The following PCDHGB7 variants were observed in gnomAD, a reference collection of about 807,000 sequenced individuals.
The protein encoded by PCDHGB7 is protocadherin gamma-B7.
A neutral mutation model predicts 61.4 loss-of-function variants in PCDHGB7; 37 were observed. That is an observed-to-expected ratio of 0.60 (90% CI 0.46 to 0.79). The LOEUF (loss-of-function observed/expected upper bound fraction) is 0.79, where lower values mean the gene tolerates loss of function less well. Ranked by LOEUF, PCDHGB7 falls within the 30% of genes least tolerant of loss-of-function variation. The pLI, the probability that PCDHGB7 is intolerant of heterozygous loss-of-function variation, is 0.00. For missense variants in PCDHGB7, 1,166 were observed against 1,202.5 expected, an observed-to-expected ratio of 0.97 and a Z score of 0.45; for synonymous variants, 464 against 503.5, an observed-to-expected ratio of 0.92 and a Z score of 1.05.
intron 1 of PCDHGB7, chr5:141,423,601 C>A (rs372165060): frequency 1.9e-6 from 3 of 1,612,704 alleles, no homozygotes; most frequent in Non-Finnish European, 2.5e-6. Flanking sequence ...AAGCGAGCCA[C>A]TCTTGATAGC....
chr5:141,478,851 C>T, intron 1 of PCDHGB7: 1 of 1,374,810 alleles, frequency 7.3e-7, no homozygotes, highest in Non-Finnish European at 9.6e-7. Context: ...AGCTAAAACA[C>T]AAGATCTCAG....
intron 1 of PCDHGB7, among the ~76,000 whole-genome samples, chr5:141,455,549 C>G (rs911113181): frequency 1.3e-5 from 2 of 152,042 alleles, no homozygotes; most frequent in Non-Finnish European, 2.9e-5. Flanking sequence ...TCACGTAGCC[C>G]GAGAAAAAGC....
At position 141,503,509 on chromosome 5, in the gene PCDHGB7, G is replaced by A. The variant is rs373282648; in HGVS notation, c.2475-1884G>A. ...AGCTGCTCAAGAGGCTGAGGCAGGA[G>A]AATCACTTGAACCTGGGAGGCAGAG... On this transcript the variant is annotated intron_variant, in intron 2 of 3. Transcript: ENST00000398594. Among the ~76,000 whole-genome samples the A allele has an allele frequency of 9.4e-5, 14 of 149,410 alleles. No individual in the cohort carries two copies. The South Asian group carries it at 1.5e-3, about 16-fold the overall frequency.
chr5:141,423,929 G>C, intron 1 of PCDHGB7: 1 of 1,236,074 alleles, frequency 8.1e-7, no homozygotes, highest in East Asian at 3.5e-5. Flanking sequence ...TGCTGGTTTG[G>C]TTTGAAGTAA....
rs143362044 is a variant in PCDHGB7, at chr5:141,511,092, C to T, written c.2709C>T (p.Asn903=). The T allele has an allele frequency of 4.5e-5, 73 of 1,614,088 alleles. No homozygotes were observed. Among genetic ancestry groups the T allele is most frequent in the Admixed American group, 1.5e-4 (9 of 60,012 alleles). ...YIPGSNATLT[N]AAGKRDGKAP... is the part of the protein sequence containing the mutation. ...CAGGCAGCAATGCCACACTGACCAA[C>T]GCAGCTGGCAAGCGGGATGGCAAGG... The change falls in exon 4 of 4, where the codon AAC becomes AAT. Residue 903 remains asparagine, a synonymous_variant. Coordinates refer to ENST00000398594, the MANE Select transcript of PCDHGB7 (RefSeq NM_018927.4).
At position 141,419,991 on chromosome 5, in the gene PCDHGB7, T is replaced by C. The variant is rs1192003266; in HGVS notation, c.2132T>C (p.Ile711Thr). Residue 711 changes from isoleucine to threonine, a missense_variant, in exon 1 of 4, where the codon ATT becomes ACT. By Grantham distance (89) the Ile-to-Thr change is moderately conservative. Transcript: ENST00000398594. ...TTTCTCCTCGCGGTGATTCTAGCTATTGCTCTACGCCTGCGACAGTCTTTC... is the reference window on the plus strand; with the variant it reads ...TTTCTCCTCGCGGTGATTCTAGCTACTGCTCTACGCCTGCGACAGTCTTTC... ...VLFLLAVILA[I>T]ALRLRQSFSP... The C allele has an allele frequency of 6.2e-7, 1 of 1,614,078 alleles. No homozygotes were observed.
intron 2 of PCDHGB7, among the ~76,000 whole-genome samples, chr5:141,502,337 T>C (rs1562205634): frequency 6.6e-6 from 1 of 152,184 alleles, no homozygotes; most frequent in Admixed American, 6.5e-5. Flanking sequence ...CCCAGTCTTT[T>C]TATTTTTTTA....
chr5:141,450,758 A>G (rs1007910264), intron 1 of PCDHGB7, among the ~76,000 whole-genome samples: 2 of 151,784 alleles, frequency 1.3e-5, no homozygotes, highest in African/African-American at 4.8e-5. Flanking sequence ...AAGTGCCGGG[A>G]TTACAGGCAT....
intron 1 of PCDHGB7, among the ~76,000 whole-genome samples, chr5:141,434,935 T>C (rs952530533): frequency 6.6e-6 from 1 of 151,788 alleles, no homozygotes; most frequent in Non-Finnish European, 1.5e-5. Flanking sequence ...TTTTATATAA[T>C]AGATATAATT....
chr5:141,491,850 T>C lies in PCDHGB7; in HGVS notation c.2416-2957T>C. ...CCCGATTCTCGGGATCATTGGACCG[T>C]TTGCGCGAAACCAGAGTGGCCGATT... On this transcript the variant is annotated intron_variant, in intron 1 of 3. Transcript: ENST00000398594. The surrounding 1 kb of genome is among the most constrained non-coding windows in gnomAD (Gnocchi z 6.9). 6.8e-7 allele frequency: 1 copy of C among 1,460,996 alleles called. No homozygotes were observed. The highest frequency in any genetic ancestry group is 2.5e-5 in the East Asian group (1 of 40,084). The allele number at this position is 1,460,996 out of a possible 1,614,324, so 90.5% of individuals were successfully genotyped here.
chr5:141,500,986 A>G (rs1223940696), intron 2 of PCDHGB7, among the ~76,000 whole-genome samples: 1 of 151,656 alleles, frequency 6.6e-6, no homozygotes, highest in East Asian at 1.9e-4. Flanking sequence ...CTCCTGCCTC[A>G]GCCTCCTGAG....
chr5:141,506,435 G>T (rs1470687416), intron 3 of PCDHGB7, among the ~76,000 whole-genome samples: 1 of 126,234 alleles, frequency 7.9e-6, no homozygotes, highest in Non-Finnish European at 1.6e-5. Context: ...CAACAGTCTC[G>T]CTCTGTCTCA....
intron 1 of PCDHGB7, among the ~76,000 whole-genome samples, chr5:141,449,339 G>T (rs1307731679): frequency 6.6e-6 from 1 of 151,930 alleles, no homozygotes; most frequent in Non-Finnish European, 1.5e-5. Context: ...AGGTGCAGTG[G>T]CTCACTCCTG....
chr5:141,433,304 C>T, intron 1 of PCDHGB7: 1 of 932,004 alleles, frequency 1.1e-6, no homozygotes, highest in Non-Finnish European at 1.6e-6. Context: ...AGCAATTATC[C>T]CACCTTTGCC....
chr5:141,462,486 G>A (rs62379193), intron 1 of PCDHGB7, among the ~76,000 whole-genome samples: 5,124 of 152,042 alleles, frequency 0.034, 100 homozygotes, highest in Middle Eastern at 0.088. Flanking sequence ...CGTGGTTGTT[G>A]TATCCTATAA....
At chr5:141,437,930 G>A (rs142381129) in intron 1 of PCDHGB7, among the ~76,000 whole-genome samples, 2,019 of 152,152 alleles carry the variant, frequency 0.013, 16 homozygotes, top group Middle Eastern at 0.034. Context: ...TAGAGATGGG[G>A]TTTCACCATA....
rs2099730037 is a variant in PCDHGB7 at position 141,491,783 on chromosome 5, A to G, written c.2416-3024A>G. The G allele has an allele frequency of 1.3e-6, 2 of 1,539,618 alleles. No homozygotes were observed. The highest frequency in any genetic ancestry group is 2.2e-5 in the Admixed American group (1 of 46,412). On this transcript the variant is annotated intron_variant, in intron 1 of 3. Transcript: ENST00000398594. The surrounding 1 kb of genome is among the most constrained non-coding windows in gnomAD (Gnocchi z 6.9). ...CGTCCTCATAAGGGATTGAACTTGC[A>G]TCCACTCCTCTCCGGCCGGCTTGGT...
intron 1 of PCDHGB7, among the ~76,000 whole-genome samples, chr5:141,488,118 A>G (rs1054356891): frequency 2.7e-4 from 41 of 152,190 alleles, no homozygotes; most frequent in Non-Finnish European, 2.9e-5. Context: ...AAACATAGAG[A>G]CAGCAGAAAG....
chr5:141,464,640 C>T (rs1482089475), intron 1 of PCDHGB7, among the ~76,000 whole-genome samples: 2 of 151,952 alleles, frequency 1.3e-5, no homozygotes, highest in Admixed American at 6.6e-5. Context: ...TTGTTGCCAA[C>T]CTGATGGGTA....
Sources: gnomAD v4.1 joint callset for allele counts (sites outside exome capture counted in the v4.1 genomes callset) on GRCh38, gnomAD v4.1.1 for gene constraint, Gnocchi (gnomAD v3.1) non-coding constraint, MANE v1.5 for transcripts, NCBI Gene and HGNC (gene_info 2026-07-23, HGNC 2026-07-21) for gene names.